The following VAMP2 variants were observed in gnomAD, a reference collection of about 807,000 sequenced individuals.
The protein encoded by VAMP2 is vesicle-associated membrane protein 2.
For missense variants in VAMP2, 95 were observed against 151.3 expected (o/e 0.63, Z 1.95); for synonymous variants, 67 against 57.3 (o/e 1.17, Z -0.76).
In VAMP2 at chr17:8,160,654, A is replaced by C; in HGVS notation, c.*201T>G. ...GGACAACCGGAAAAATCATCTAGTAATAAAACTACAAACAGACCAAATATA... is the reference window on the plus strand; with the variant it reads ...GGACAACCGGAAAAATCATCTAGTACTAAAACTACAAACAGACCAAATATA... On this transcript the variant is annotated 3_prime_UTR_variant, in exon 5 of 5. Coordinates refer to ENST00000316509, the MANE Select transcript of VAMP2 (RefSeq NM_014232.3). 1 of 352,550 alleles carries C rather than the reference A, an allele frequency of 2.8e-6. No homozygotes were observed. The allele number at this position is 352,550 out of a possible 1,614,324, so 21.8% of individuals were successfully genotyped here.
rs771338747 is a variant in VAMP2 at position 8,160,848 on chromosome 17, C to G, written c.*7G>C. On this transcript the variant is annotated 3_prime_UTR_variant, in exon 5 of 5. Coordinates refer to ENST00000316509, the MANE Select transcript of VAMP2 (RefSeq NM_014232.3). Reference sequence around the variant, plus strand: ...CCTTCTCTAGGCAGGGCAGACTCCTCGGGGATTTAAGTGCTGAAGTAAACT... The same window carrying G: ...CCTTCTCTAGGCAGGGCAGACTCCTGGGGGATTTAAGTGCTGAAGTAAACT... 9.3e-6 allele frequency: 15 copies of G among 1,607,866 alleles called. No homozygotes were observed. Among genetic ancestry groups the G allele is most frequent in the Non-Finnish European group, 1.2e-5 (14 of 1,176,910 alleles).
chr17:8,160,928 A>G (rs762394236), intron 4 of VAMP2, 57 bp from the exon 5 acceptor site: 6 of 1,420,734 alleles, frequency 4.2e-6, no homozygotes, highest in Non-Finnish European at 5.9e-6. Context: ...AAGAGAGAGA[A>G]CAAGAAAGCA....
intron 1 of VAMP2, chr17:8,162,614 G>A: frequency 1.4e-6 from 2 of 1,407,536 alleles, no homozygotes; most frequent in South Asian, 3.1e-5. Flanking sequence ...TGCGATCCGG[G>A]TCGACCCGAA....
In VAMP2 at chr17:8,162,297, G is replaced by A. The variant is rs753031128; in HGVS notation, c.75C>T (p.Asn25=). The A allele has an allele frequency of 2.7e-5, 43 of 1,594,654 alleles. No individual in the cohort carries two copies. Among genetic ancestry groups the A allele is most frequent in the Non-Finnish European group, 3.6e-5 (42 of 1,173,456 alleles). Residue 25 remains asparagine, a synonymous_variant, in exon 2 of 5, where the codon AAC becomes AAT. Coordinates refer to ENST00000316509, the MANE Select transcript of VAMP2 (RefSeq NM_014232.3). ...GCTGCAGTCTCCTGTTACTGGTGAGGTTTGGAGGGGGTGCAGGGGGACCAC... is the reference window on the plus strand; with the variant it reads ...GCTGCAGTCTCCTGTTACTGGTGAGATTTGGAGGGGGTGCAGGGGGACCAC... The part of the protein sequence containing the change: ...GEGGPPAPPP[N]LTSNRRLQQT...
rs1983267127 is a variant in VAMP2, at chr17:8,160,391, T to TTTTG, written c.*463_*464insCAAA. On this transcript the variant is annotated 3_prime_UTR_variant, in exon 5 of 5. Transcript: ENST00000316509. Reference sequence around the variant, plus strand: ...GGACAGGTGCTGTTGTTTTTTTTTTTTTTTTTTTTTTTTTGAGGGCGGGGC... The same window carrying TTTTG: ...GGACAGGTGCTGTTGTTTTTTTTTTTTTTGTTTTTTTTTTTTTTGAGGGCGGGGC... 6.2e-5 allele frequency: 8 copies of TTTTG among 129,212 alleles called. No homozygotes were observed. The Admixed American group carries it at 6.5e-4, about 11-fold the overall frequency. 8.0% of individuals were successfully genotyped at this position (129,212 alleles called of 1,614,324 possible).
In VAMP2 at chr17:8,160,785, T is replaced by G; in HGVS notation, c.*70A>C. On this transcript the variant is annotated 3_prime_UTR_variant, in exon 5 of 5. Coordinates refer to ENST00000316509, the MANE Select transcript of VAMP2 (RefSeq NM_014232.3). ...GGGAGTGGGGGCTGAAAGATATGGCTGAGAGGTGGAGGAACGGCTGAGGGT... is the reference window on the plus strand; with the variant it reads ...GGGAGTGGGGGCTGAAAGATATGGCGGAGAGGTGGAGGAACGGCTGAGGGT... 2 of 1,557,034 alleles carry G rather than the reference T, an allele frequency of 1.3e-6. No homozygotes were observed. The highest frequency in any genetic ancestry group is 1.7e-6 in the Non-Finnish European group (2 of 1,144,156).
At position 8,162,285 on chromosome 17, in the gene VAMP2, G is replaced by A. The variant is rs762958129; in HGVS notation, c.87C>T (p.Asn29=). The A allele has an allele frequency of 3.8e-6, 6 of 1,578,114 alleles. No individual in the cohort carries two copies. In the Admixed American group the frequency reaches 1.2e-4, roughly 32 times the overall value. The part of the protein sequence containing the change: ...PPAPPPNLTS[N]RRLQQTQAQV... ...GGGCCTGGGTCTGCTGCAGTCTCCT[G>A]TTACTGGTGAGGTTTGGAGGGGGTG... The change falls in exon 2 of 5, where the codon AAC becomes AAT. Residue 29 remains asparagine, a synonymous_variant. Coordinates refer to ENST00000316509, the MANE Select transcript of VAMP2 (RefSeq NM_014232.3).
At chr17:8,162,777 C>T in intron 1 of VAMP2, 101 bp downstream of exon 1, 1 of 1,235,412 alleles carries the variant, frequency 8.1e-7, no homozygotes, top group Non-Finnish European at 1.0e-6. Context: ...CCCCGGGGCG[C>T]GGGGAACGCA....
chr17:8,162,458 C>G, intron 1 of VAMP2, 89 bp from the exon 2 acceptor site: 3 of 1,563,344 alleles, frequency 1.9e-6, no homozygotes, highest in Non-Finnish European at 2.6e-6. Flanking sequence ...CCATCCTCGT[C>G]CCTCCAGTCC....
At chr17:8,160,949 C>T in intron 4 of VAMP2, 78 bp from the exon 5 acceptor site, 2 of 1,328,146 alleles carry the variant, frequency 1.5e-6, no homozygotes, top group Non-Finnish European at 2.1e-6. Context: ...GTGTGTCAGG[C>T]CTGGCCCTGC....
In VAMP2 at chr17:8,160,388, T is replaced by TTTTTTTTTTTTTTTTG. The variant is rs1983266084; in HGVS notation, c.*466_*467insCAAAAAAAAAAAAAAA. 7.9e-6 allele frequency: 1 copy of TTTTTTTTTTTTTTTTG among 126,798 alleles called. No homozygotes were observed. The highest frequency in any genetic ancestry group is 2.9e-5 in the African/African-American group (1 of 34,346). 7.9% of individuals were successfully genotyped at this position (126,798 alleles called of 1,614,324 possible). A position where few individuals can be genotyped will look rare whatever the true frequency, so the allele number is the denominator to read the frequency against. ...CCTGGACAGGTGCTGTTGTTTTTTT[T>TTTTTTTTTTTTTTTTG]TTTTTTTTTTTTTTTTTGAGGGCGG... On this transcript the variant is annotated 3_prime_UTR_variant, in exon 5 of 5. Coordinates refer to ENST00000316509, the MANE Select transcript of VAMP2 (RefSeq NM_014232.3).
chr17:8,161,377 TG>T, intron 4 of VAMP2, 95 bp downstream of exon 4: 1 of 1,511,238 alleles, frequency 6.6e-7, no homozygotes, highest in Non-Finnish European at 8.9e-7. Flanking sequence ...TGTTTTTGGC[TG>T]AAGAGTAAAA....
At position 8,161,608 on chromosome 17, in the gene VAMP2, C is replaced by A; in HGVS notation, c.282G>T (p.Lys94Asn). 1 of 1,614,132 alleles carries A rather than the reference C, an allele frequency of 6.2e-7. No homozygotes were observed. The highest frequency in any genetic ancestry group is 2.2e-5 in the East Asian group (1 of 44,890). ...LKRKYWWKNL[K>N]MMIILGVICA... ...TCCTCCTTCCTGTCCCCACCCTTAC[C>A]TTGAGGTTTTTCCACCAGTATTTGC... The change falls in exon 3 of 5, where the codon AAG (lysine) becomes AAT (asparagine). Residue 94 changes from lysine to asparagine, a missense_variant and splice_region_variant. Transcript: ENST00000316509.
chr17:8,162,415 G>A, intron 1 of VAMP2, 46 bp from the exon 2 acceptor site: 1 of 1,602,584 alleles, frequency 6.2e-7, no homozygotes, highest in South Asian at 1.1e-5. Context: ...CAGCCTCCCG[G>A]CCCCGCAGCC....
chr17:8,160,550 T>A lies in VAMP2; in HGVS notation c.*305A>T, dbSNP rs1174714836. 5.2e-6 allele frequency: 1 copy of A among 192,496 alleles called. No individual in the cohort carries two copies. The highest frequency in any genetic ancestry group is 1.0e-5 in the Non-Finnish European group (1 of 95,836). 11.9% of individuals were successfully genotyped at this position (192,496 alleles called of 1,614,324 possible). On this transcript the variant is annotated 3_prime_UTR_variant, in exon 5 of 5. Coordinates refer to ENST00000316509, the MANE Select transcript of VAMP2 (RefSeq NM_014232.3). ...GCATAGCAGATGCAAATGAAGGGAC[T>A]TGGGGCTAGTCAGGAAGAAAGGGAA...
At position 8,160,763 on chromosome 17, in the gene VAMP2, A is replaced by AC. The variant is rs1555524509; in HGVS notation, c.*91_*92insG. On this transcript the variant is annotated 3_prime_UTR_variant, in exon 5 of 5. Coordinates refer to ENST00000316509, the MANE Select transcript of VAMP2 (RefSeq NM_014232.3). The stretch of plus-strand genomic sequence containing the variant: ...ACACACACACACACGGATCCAGGGG[A>AC]GTGGGGGCTGAAAGATATGGCTGAG... The AC allele has an allele frequency of 2.9e-6, 4 of 1,383,498 alleles. No homozygotes were observed. The highest frequency in any genetic ancestry group is 4.0e-6 in the Non-Finnish European group (4 of 1,000,978). The allele number at this position is 1,383,498 out of a possible 1,614,324, so 85.7% of individuals were successfully genotyped here.
chr17:8,160,341 AAAG>A lies in VAMP2; in HGVS notation c.*511_*513del, dbSNP rs1238305572. The A allele has an allele frequency of 6.9e-6, 1 of 145,862 alleles. No individual in the cohort carries two copies. Among genetic ancestry groups the A allele is most frequent in the East Asian group, 2.0e-4 (1 of 4,940 alleles). The allele number at this position is 145,862 out of a possible 1,614,324, so 9.0% of individuals were successfully genotyped here. On this transcript the variant is annotated 3_prime_UTR_variant, in exon 5 of 5. Transcript: ENST00000316509. ...AGTCTCAGAGCCTCCCAATGGATAC[AAAG>A]AAGATGTACCTAAGGAAGCCTGGAC...
At chr17:8,162,168 T>C in intron 2 of VAMP2, 81 bp downstream of exon 2, 1 of 1,485,994 alleles carries the variant, frequency 6.7e-7, no homozygotes, top group Non-Finnish European at 8.9e-7. Context: ...CTGTCATCAC[T>C]CCCAAACCAA....
chr17:8,160,372 G>A lies in VAMP2; in HGVS notation c.*483C>T, dbSNP rs1328267727. On this transcript the variant is annotated 3_prime_UTR_variant, in exon 5 of 5. Coordinates refer to ENST00000316509, the MANE Select transcript of VAMP2 (RefSeq NM_014232.3). ...GATGTACCTAAGGAAGCCTGGACAG[G>A]TGCTGTTGTTTTTTTTTTTTTTTTT... is the stretch of plus-strand genomic sequence containing the variant. 3.9e-5 allele frequency: 2 copies of A among 51,108 alleles called. No homozygotes were observed. The highest frequency in any genetic ancestry group is 9.0e-4 in the South Asian group (1 of 1,116). The allele number at this position is 51,108 out of a possible 1,614,324, so 3.2% of individuals were successfully genotyped here.
Sources: allele counts gnomAD v4.1 joint callset, GRCh38; gene constraint gnomAD v4.1.1; transcripts MANE v1.5; gene names NCBI Gene and HGNC (gene_info 2026-07-23, HGNC 2026-07-21).